Variants in RBMS3 observed in about 807,000 individuals in gnomAD.
RBMS3 encodes the protein RNA binding motif single stranded interacting protein 3.
Under a neutral mutation model 66.8 loss-of-function variants are expected in RBMS3, and 27 were observed. That is an observed-to-expected ratio of 0.40 (90% confidence interval 0.30 to 0.56). The LOEUF (loss-of-function observed/expected upper bound fraction) is 0.56, where lower values mean the gene tolerates loss of function less well. Ranked by LOEUF, RBMS3 falls within the 20% of genes least tolerant of loss-of-function variation. The pLI is 0.40. For missense variants in RBMS3, 513 were observed against 549.5 expected (o/e 0.93, Z 0.66); for synonymous variants, 188 against 183.0 (o/e 1.03, Z -0.22).
Position 29,490,372 on chromosome 3 carries a change from G to T in RBMS3, c.307+1873G>T, listed in dbSNP as rs953293263. Among the ~76,000 whole-genome samples the T allele has an allele frequency of 3.9e-5, 6 of 152,072 alleles. No individual in the cohort carries two copies. In the South Asian group the frequency reaches 1.0e-3, roughly 26 times the overall value. ...ATTACTATTAGGGTAATAGGAAGGG[G>T]TTCACCATGAAAGTTTTTAAAGGTA... On this transcript the variant is annotated intron_variant, in intron 3 of 14. Coordinates refer to ENST00000383767, the MANE Select transcript of RBMS3 (RefSeq NM_001003793.3).
intron 1 of RBMS3, among the ~76,000 whole-genome samples, chr3:29,424,832 T>C (rs904835211): frequency 6.6e-5 from 10 of 152,186 alleles, no homozygotes; most frequent in African/African-American, 2.2e-4. Context: ...AACTAGTCAA[T>C]TAAAATGGAA....
intron 4 of RBMS3, among the ~76,000 whole-genome samples, chr3:29,634,344 A>G (rs2049394826): frequency 6.6e-6 from 1 of 151,892 alleles, no homozygotes. Flanking sequence ...TTATACACCA[A>G]GTTTACCTTC....
chr3:29,699,392 C>T (rs1031320099), intron 4 of RBMS3, among the ~76,000 whole-genome samples: 8 of 152,166 alleles, frequency 5.3e-5, no homozygotes, highest in Non-Finnish European at 1.0e-4. Context: ...GGTAATCCAC[C>T]TGTCTTGGCC....
chr3:29,998,668 G>C (rs1336487421), intron 14 of RBMS3, among the ~76,000 whole-genome samples: 3 of 152,140 alleles, frequency 2.0e-5, no homozygotes, highest in African/African-American at 4.8e-5. Context: ...AATGGGGAAA[G>C]GATTCCCTAT....
chr3:29,842,452 A>G (rs1299298397), intron 6 of RBMS3, among the ~76,000 whole-genome samples: 1 of 152,180 alleles, frequency 6.6e-6, no homozygotes, highest in Non-Finnish European at 1.5e-5. Context: ...ACAAGACCTT[A>G]TATGAAACGA....
chr3:29,972,005 A>T (rs190938515), intron 12 of RBMS3, among the ~76,000 whole-genome samples: 2 of 152,296 alleles, frequency 1.3e-5, no homozygotes, highest in Admixed American at 1.3e-4. Context: ...GAGATGATGT[A>T]GGTCACAATG....
intron 4 of RBMS3, among the ~76,000 whole-genome samples, chr3:29,639,958 A>G (rs1394652428): frequency 2.0e-5 from 3 of 151,860 alleles, no homozygotes; most frequent in Non-Finnish European, 2.9e-5. Flanking sequence ...CTATTGAAAC[A>G]TAAACTTTTT....
chr3:29,588,404 T>G (rs905231485), intron 4 of RBMS3, among the ~76,000 whole-genome samples: 1 of 152,052 alleles, frequency 6.6e-6, no homozygotes, highest in African/African-American at 2.4e-5. Context: ...GTAGTCAGAT[T>G]TTCAGTTATT....
chr3:29,851,838 T>C (rs2058942179), intron 6 of RBMS3, among the ~76,000 whole-genome samples: 1 of 152,196 alleles, frequency 6.6e-6, no homozygotes, highest in African/African-American at 2.4e-5. Flanking sequence ...TATTTTAAGA[T>C]GCATGTGTAA....
At chr3:29,848,982 A>T (rs1245517673) in intron 6 of RBMS3, among the ~76,000 whole-genome samples, 2 of 152,222 alleles carry the variant, frequency 1.3e-5, no homozygotes, top group African/African-American at 4.8e-5. Context: ...GATCTTTTGT[A>T]AAATCACAAA....
chr3:29,479,916 C>T (rs760457254), intron 2 of RBMS3, among the ~76,000 whole-genome samples: 1 of 152,174 alleles, frequency 6.6e-6, no homozygotes, highest in Non-Finnish European at 1.5e-5. Flanking sequence ...TCAGTTGAAG[C>T]GTAAGTTCTC....
chr3:29,527,097 G>A (rs574099860), intron 3 of RBMS3, among the ~76,000 whole-genome samples: 2 of 144,926 alleles, frequency 1.4e-5, no homozygotes, highest in African/African-American at 5.1e-5. Flanking sequence ...ATTTAAAAGC[G>A]TTCTCTTGGT....
chr3:29,564,990 A>G (rs550053838), intron 3 of RBMS3, among the ~76,000 whole-genome samples: 1 of 152,126 alleles, frequency 6.6e-6, no homozygotes, highest in Non-Finnish European at 1.5e-5. Context: ...AGTTTCCTTT[A>G]GATTTTTTCA....
intron 1 of RBMS3, among the ~76,000 whole-genome samples, chr3:29,429,562 T>G (rs1041035512): frequency 6.6e-6 from 1 of 152,072 alleles, no homozygotes; most frequent in African/African-American, 2.4e-5. Flanking sequence ...TCATCCAAAA[T>G]CCCCTTCTGA....
intron 3 of RBMS3, among the ~76,000 whole-genome samples, chr3:29,531,685 C>G (rs1055837962): frequency 3.9e-5 from 6 of 152,190 alleles, no homozygotes; most frequent in Admixed American, 3.9e-4. Flanking sequence ...CTCAAGTGTT[C>G]TTGCTGAGGC....
intron 1 of RBMS3, among the ~76,000 whole-genome samples, chr3:29,399,116 G>T (rs1380541381): frequency 2.9e-4 from 44 of 151,828 alleles, no homozygotes. Context: ...TCCCTTTCTT[G>T]CCTCTAAAAG....
intron 10 of RBMS3, among the ~76,000 whole-genome samples, chr3:29,920,826 T>C (rs1559801168): frequency 7.2e-6 from 1 of 139,770 alleles, no homozygotes; most frequent in East Asian, 2.1e-4. Flanking sequence ...ATACAAAAAA[T>C]TAGCCAGGTG....
chr3:29,290,639 C>CA (rs1333705065), intron 1 of RBMS3: 1 of 151,618 alleles, frequency 6.6e-6, no homozygotes, highest in Non-Finnish European at 1.5e-5. Flanking sequence ...CAATGTATTT[C>CA]AAAAAAATTA....
chr3:29,712,324 T>G (rs2149307961), intron 4 of RBMS3, among the ~76,000 whole-genome samples: 1 of 152,168 alleles, frequency 6.6e-6, no homozygotes, highest in South Asian at 2.1e-4. Flanking sequence ...ATTATTATTA[T>G]TATTTTGAGA....
Sources: allele counts gnomAD v4.1 joint callset (sites outside exome capture counted in the v4.1 genomes callset), GRCh38; gene constraint gnomAD v4.1.1; transcripts MANE v1.5; gene names NCBI Gene and HGNC (gene_info 2026-07-23, HGNC 2026-07-21).